ATG2B: variants seen among roughly 807,000 people sequenced by gnomAD.
ATG2B encodes autophagy-related protein 2 homolog B.
Under a neutral mutation model 241.3 loss-of-function variants are expected in ATG2B, and 121 were observed. The ratio of observed to expected loss-of-function variants is 0.50; its 90% CI spans 0.43 to 0.58. ATG2B has a LOEUF of 0.58. Ranked by LOEUF, ATG2B falls within the 20% of genes least tolerant of loss-of-function variation. The pLI, the probability that ATG2B is intolerant of heterozygous loss-of-function variation, is 0.00. For synonymous variants in ATG2B, 858 were observed against 876.6 expected (o/e 0.98, Z 0.37); for missense variants, 2,306 against 2,491.6 (o/e 0.93, Z 1.59).
chr14:96,308,285 T>A (rs1308056807), intron 29 of ATG2B, among the ~76,000 whole-genome samples: 3,518 of 68,576 alleles, frequency 0.051, 310 homozygotes, highest in African/African-American at 0.079. Context: ...TATATATATT[T>A]TTTTTTTTTT....
chr14:96,288,109 C>T (rs1311673061), intron 41 of ATG2B, among the ~76,000 whole-genome samples: 3 of 152,148 alleles, frequency 2.0e-5, no homozygotes, highest in Non-Finnish European at 4.4e-5. Context: ...CCTCCCTTCC[C>T]TCATTCTTCC....
In ATG2B at chr14:96,299,240, C is replaced by A. The variant is rs3783426; in HGVS notation, c.5139+2767G>T. 4.3e-3 allele frequency among the ~76,000 whole-genome samples: 662 copies of A among 152,226 alleles called. 26 individuals carry two copies. The South Asian group carries it at 0.067, about 15-fold the overall frequency. On this transcript the variant is annotated intron_variant, in intron 34 of 41. Coordinates refer to ENST00000359933, the MANE Select transcript of ATG2B (RefSeq NM_018036.7). ...AATCTTCACCTGCCTAGCTCCACTG[C>A]ACTCCTTAAGGCCCACCTTGAATGT... is the stretch of plus-strand genomic sequence containing the variant.
intron 23 of ATG2B, among the ~76,000 whole-genome samples, chr14:96,314,340 A>G (rs1373924811): frequency 2.6e-5 from 4 of 152,232 alleles, no homozygotes; most frequent in Non-Finnish European, 5.9e-5. Flanking sequence ...TCTTACTCAA[A>G]GTCTCCTCTG....
intron 36 of ATG2B, among the ~76,000 whole-genome samples, chr14:96,292,575 A>C (rs1886514865): frequency 6.6e-6 from 1 of 152,236 alleles, no homozygotes; most frequent in South Asian, 2.1e-4. Flanking sequence ...GGTAAAACAG[A>C]GCCAGCAATC....
intron 41 of ATG2B, among the ~76,000 whole-genome samples, chr14:96,288,455 G>A (rs1595289800): frequency 6.6e-6 from 1 of 152,154 alleles, no homozygotes; most frequent in East Asian, 1.9e-4. Flanking sequence ...TTGATAGCTG[G>A]CTCAATCCTG....
intron 8 of ATG2B, among the ~76,000 whole-genome samples, chr14:96,333,161 G>T (rs1856454964): frequency 6.6e-6 from 1 of 151,776 alleles, no homozygotes; most frequent in Admixed American, 6.6e-5. Flanking sequence ...TTCTTATTTT[G>T]TCCAACATTC....
Position 96,282,404 on chromosome 14 carries a change from T to C in ATG2B, c.*3351A>G, listed in dbSNP as rs1480699603. 2 of 152,204 alleles carry C rather than the reference T, an allele frequency of 1.3e-5. No individual in the cohort carries two copies. The allele number at this position is 152,204 out of a possible 1,614,324, so 9.4% of individuals were successfully genotyped here. ...GAAGTCTTAAGGAGGTCAAAAGTAA[T>C]GAAGGAAAACAGAAGGGGAGTGCTC... On this transcript the variant is annotated 3_prime_UTR_variant, in exon 42 of 42. Transcript: ENST00000359933.
At chr14:96,351,381 T>A (rs1021208515) in intron 1 of ATG2B, among the ~76,000 whole-genome samples, 2 of 152,130 alleles carry the variant, frequency 1.3e-5, no homozygotes, top group African/African-American at 4.8e-5. Context: ...GCAGAAGGAT[T>A]GCTTGAGTCC....
chr14:96,341,577 C>A lies in ATG2B; in HGVS notation c.869G>T (p.Gly290Val), dbSNP rs200801506. 1 of 1,604,242 alleles carries A rather than the reference C, an allele frequency of 6.2e-7. No homozygotes were observed. Among genetic ancestry groups the A allele is most frequent in the Non-Finnish European group, 8.5e-7 (1 of 1,174,160 alleles). ...CAACGTGAGACTCAACTCCAACCTA[C>A]CAATTAACCGTCCAATCTGCACTGG... ...SDPVQIGRLI[G>V]RLELSLTLKQ... The change falls in exon 6 of 42, where the codon GGT (glycine) becomes GTT (valine). Residue 290 changes from glycine to valine, a missense_variant. Physicochemically the swap from Gly to Val is moderately radical, Grantham distance 109 (BLOSUM62 -3). Around this residue, in one of 2 missense-constraint regions of ATG2B, gnomAD observed 1,927 missense variants for 2,011.2 expected, o/e 0.96. Coordinates refer to ENST00000359933, the MANE Select transcript of ATG2B (RefSeq NM_018036.7).
rs773665317 is a variant in ATG2B at position 96,317,153 on chromosome 14, C to T, written c.3202G>A (p.Asp1068Asn). 1.9e-6 allele frequency: 3 copies of T among 1,609,978 alleles called. No individual in the cohort carries two copies. Among genetic ancestry groups the T allele is most frequent in the Admixed American group, 1.7e-5 (1 of 59,372 alleles). Residue 1068 changes from aspartate (D) to asparagine (N), a missense_variant, in exon 20 of 42, where the codon GAT (aspartate) becomes AAT (asparagine). Physicochemically the swap from Asp to Asn is conservative, Grantham distance 23. Coordinates refer to ENST00000359933, the MANE Select transcript of ATG2B (RefSeq NM_018036.7). ...GGATTTGTAAACCTCACCTTCACATCTGTGAACACTGCTATTAATCCATGA... is the reference window on the plus strand; with the variant it reads ...GGATTTGTAAACCTCACCTTCACATTTGTGAACACTGCTATTAATCCATGA... The part of the protein sequence containing the change: ...INHGLIAVFT[D>N]VKQDNGDLLE...
At chr14:96,310,961 T>G (rs1887136286) in intron 28 of ATG2B, among the ~76,000 whole-genome samples, 156 bp downstream of exon 28, 1 of 152,162 alleles carries the variant, frequency 6.6e-6, no homozygotes. Context: ...AAAAGGCCCA[T>G]GAAACCACCG....
rs1490477141 is a variant in ATG2B, at chr14:96,363,322, C to G, written c.-346G>C. Reference sequence around the variant, plus strand: ...CGCGCGACGAATTTGTTGTCATCCGCGAGGCGCGTTCCCGGCTGTAGGGAC... The same window carrying G: ...CGCGCGACGAATTTGTTGTCATCCGGGAGGCGCGTTCCCGGCTGTAGGGAC... On this transcript the variant is annotated 5_prime_UTR_variant, in exon 1 of 42. Coordinates refer to ENST00000359933, the MANE Select transcript of ATG2B (RefSeq NM_018036.7). 2 of 253,778 alleles carry G rather than the reference C, an allele frequency of 7.9e-6. No individual in the cohort carries two copies. Among genetic ancestry groups the G allele is most frequent in the Non-Finnish European group, 1.5e-5 (2 of 129,152 alleles). 15.7% of individuals were successfully genotyped at this position (253,778 alleles called of 1,614,324 possible).
rs754791781 is a variant in ATG2B at position 96,329,641 on chromosome 14, T to C, written c.1731-7A>G. The C allele has an allele frequency of 3.2e-6, 5 of 1,566,594 alleles. No individual in the cohort carries two copies. The South Asian group carries it at 5.7e-5, about 18-fold the overall frequency. On this transcript the variant is annotated splice_polypyrimidine_tract_variant and splice_region_variant and intron_variant, in intron 11 of 41. Coordinates refer to ENST00000359933, the MANE Select transcript of ATG2B (RefSeq NM_018036.7). ...AATGCCAGTACCTATAAATCTATTATAAAAAATGCACCATTTAAGATTATT... is the reference window on the plus strand; with the variant it reads ...AATGCCAGTACCTATAAATCTATTACAAAAAATGCACCATTTAAGATTATT...
chr14:96,297,351 T>C (rs1424709123), intron 34 of ATG2B, among the ~76,000 whole-genome samples: 1 of 151,898 alleles, frequency 6.6e-6, no homozygotes, highest in Non-Finnish European at 1.5e-5. Context: ...TCACCACAAA[T>C]GCACAAAACA....
intron 14 of ATG2B, among the ~76,000 whole-genome samples, chr14:96,327,151 G>A (rs1455455310): frequency 6.6e-6 from 1 of 151,896 alleles, no homozygotes; most frequent in African/African-American, 2.4e-5. Flanking sequence ...TAGAAGGATC[G>A]CTTAAGCCAA....
rs1411087448 is a variant in ATG2B at position 96,289,137 on chromosome 14, AT to A, written c.6006+518del. Among the ~76,000 whole-genome samples, 4 of 152,246 alleles carry A rather than the reference AT, an allele frequency of 2.6e-5. No individual in the cohort carries two copies. Among genetic ancestry groups the A allele is most frequent in the Non-Finnish European group, 5.9e-5 (4 of 68,048 alleles). On this transcript the variant is annotated intron_variant, in intron 41 of 41. Transcript: ENST00000359933. The surrounding 1 kb of genome is among the most constrained non-coding windows in gnomAD (Gnocchi z 4.3). ...GTTGCAGAATGAGACACATAACACCATTTACGGAAACTTTTAAAACATTAAC... is the reference window on the plus strand; with the variant it reads ...GTTGCAGAATGAGACACATAACACCATTACGGAAACTTTTAAAACATTAAC...
intron 29 of ATG2B, among the ~76,000 whole-genome samples, chr14:96,308,272 A>ATATG: frequency 3.9e-5 from 1 of 25,862 alleles, no homozygotes; most frequent in African/African-American, 2.4e-4. Context: ...ATATATATAT[A>ATATG]TATATATATA....
At chr14:96,354,801 T>C (rs138381852) in intron 1 of ATG2B, among the ~76,000 whole-genome samples, 17 of 152,160 alleles carry the variant, frequency 1.1e-4, no homozygotes, top group Non-Finnish European at 2.1e-4. Context: ...GTTTTTGTTG[T>C]TATTGTTGTT....
At chr14:96,350,054 G>A (rs1266404335) in intron 1 of ATG2B, among the ~76,000 whole-genome samples, 2 of 152,150 alleles carry the variant, frequency 1.3e-5, no homozygotes, top group African/African-American at 4.8e-5. Context: ...TACTTGAGAA[G>A]CCGAGGTGGG....
Sources: allele counts gnomAD v4.1 joint callset (sites outside exome capture counted in the v4.1 genomes callset), GRCh38; gene constraint gnomAD v4.1.1; regional missense constraint gnomAD v4.1.1; non-coding constraint Gnocchi (gnomAD v3.1); transcripts MANE v1.5; gene names NCBI Gene and HGNC (gene_info 2026-07-23, HGNC 2026-07-21).